The following DAB1 variants were observed in gnomAD, a reference collection of about 807,000 sequenced individuals.
DAB1 encodes the protein DAB adaptor protein 1, also known as disabled homolog 1.
In DAB1, 15 loss-of-function variants were observed where a neutral mutation model predicts 64.6. The observed-to-expected ratio is 0.23, with a 90% CI of 0.16 to 0.36. The LOEUF (loss-of-function observed/expected upper bound fraction) is 0.36. DAB1 is among the 10% of genes least tolerant of loss of function. The pLI, the probability that DAB1 is intolerant of heterozygous loss-of-function variation, is 1.00. For missense variants in DAB1, 596 were observed against 706.7 expected (o/e 0.84, Z 1.78); for synonymous variants, 235 against 251.9 (o/e 0.93, Z 0.64).
intron 1 of DAB1, among the ~76,000 whole-genome samples, chr1:57,843,982 C>T (rs1191918214): frequency 6.6e-6 from 1 of 152,220 alleles, no homozygotes; most frequent in Non-Finnish European, 1.5e-5. Flanking sequence ...AAATCTGTGC[C>T]TGATGTTCCA....
At chr1:57,156,399 C>T (rs1660226007) in intron 2 of DAB1, among the ~76,000 whole-genome samples, 1 of 152,192 alleles carries the variant, frequency 6.6e-6, no homozygotes, top group Admixed American at 6.5e-5. Flanking sequence ...GTCTCCTCTA[C>T]ACTTGAACTC....
chr1:57,321,231 G>A (rs1675690148), intron 1 of DAB1, among the ~76,000 whole-genome samples: 1 of 152,112 alleles, frequency 6.6e-6, no homozygotes, highest in South Asian at 2.1e-4. Context: ...AAAATGTATA[G>A]AAGTATTCAC....
intron 5 of DAB1, among the ~76,000 whole-genome samples, chr1:57,998,316 T>C (rs577347305): frequency 1.3e-5 from 2 of 152,212 alleles, no homozygotes; most frequent in South Asian, 4.2e-4. Context: ...GCTTCCTCAC[T>C]AGATATTTGT....
chr1:57,927,357 C>T (rs1344845621), intron 5 of DAB1, among the ~76,000 whole-genome samples: 1 of 152,000 alleles, frequency 6.6e-6, no homozygotes, highest in Non-Finnish European at 1.5e-5. Context: ...GAACCATAAC[C>T]ACCAGGCTTG....
At chr1:57,682,003 C>A (rs1646641362) in intron 6 of DAB1, among the ~76,000 whole-genome samples, 1 of 152,174 alleles carries the variant, frequency 6.6e-6, no homozygotes, top group Non-Finnish European at 1.5e-5. Flanking sequence ...CTCCTCACAG[C>A]CCTTAATAGG....
intron 7 of DAB1, among the ~76,000 whole-genome samples, chr1:57,439,661 T>C (rs896603280): frequency 7.0e-6 from 1 of 142,488 alleles, no homozygotes. Context: ...TCTTCTGACC[T>C]CATGATCTGC....
At chr1:57,148,180 A>T (rs1258163221) in intron 2 of DAB1, among the ~76,000 whole-genome samples, 2 of 152,226 alleles carry the variant, frequency 1.3e-5, no homozygotes, top group Admixed American at 1.3e-4. Context: ...AGTCAGATAC[A>T]AAGAAGCCTT....
intron 7 of DAB1, among the ~76,000 whole-genome samples, chr1:57,632,915 T>A (rs940276915): frequency 6.6e-6 from 1 of 152,222 alleles, no homozygotes; most frequent in Non-Finnish European, 1.5e-5. Context: ...GCAAATAGAA[T>A]GTACTAGATT....
At chr1:57,605,899 G>C in intron 7 of DAB1, 3 of 671,622 alleles carry the variant, frequency 4.5e-6, no homozygotes, top group South Asian at 4.1e-5. Context: ...AGTACTGATG[G>C]AAGTAATCTG....
intron 4 of DAB1, among the ~76,000 whole-genome samples, chr1:58,275,675 A>C (rs1403009005): frequency 1.3e-5 from 2 of 152,190 alleles, no homozygotes; most frequent in African/African-American, 4.8e-5. Context: ...CAAATTTAAA[A>C]AGAAAGAAAA....
At chr1:57,169,207 T>A (rs1661492924) in intron 2 of DAB1, among the ~76,000 whole-genome samples, 1 of 152,232 alleles carries the variant, frequency 6.6e-6, no homozygotes, top group African/African-American at 2.4e-5. Flanking sequence ...GACTGAGTTG[T>A]CTGACAACCT....
At chr1:58,038,672 G>GA (rs1183077165) in intron 5 of DAB1, among the ~76,000 whole-genome samples, 1 of 152,076 alleles carries the variant, frequency 6.6e-6, no homozygotes, top group Non-Finnish European at 1.5e-5. Context: ...AACTGCAGGT[G>GA]AAACAGAGCC....
At chr1:57,355,717 A>G (rs1679038741) in intron 1 of DAB1, among the ~76,000 whole-genome samples, 1 of 152,054 alleles carries the variant, frequency 6.6e-6, no homozygotes, top group South Asian at 2.1e-4. Flanking sequence ...CGTGGACCTG[A>G]AGTATACTTT....
At chr1:58,179,625 G>T (rs1656669372) in intron 4 of DAB1, among the ~76,000 whole-genome samples, 2 of 152,010 alleles carry the variant, frequency 1.3e-5, no homozygotes, top group East Asian at 3.9e-4. Flanking sequence ...GCATAAAGTT[G>T]TTCATAGAAT....
In DAB1 at chr1:58,163,981, T is replaced by C. The variant is rs191489983; in HGVS notation, n.310-13393A>G. ...ACACATAGTTCCAAGAAAGTCTTAC[T>C]AGCTTGAAGTATTTGAACACAACCT... On this transcript the variant is annotated intron_variant and non_coding_transcript_variant, in intron 4 of 20. Transcript: ENST00000485760. Among the ~76,000 whole-genome samples the C allele has an allele frequency of 2.1e-3, 325 of 152,316 alleles. 4 individuals carry two copies. Among genetic ancestry groups the C allele is most frequent in the African/African-American group, 7.4e-3 (308 of 41,562 alleles).
chr1:57,676,989 G>A (rs1230580234), intron 6 of DAB1, among the ~76,000 whole-genome samples: 2 of 152,182 alleles, frequency 1.3e-5, no homozygotes, highest in South Asian at 2.1e-4. Flanking sequence ...CATTGTGACT[G>A]TATATGGAGA....
chr1:57,681,010 A>C (rs1455350415), intron 6 of DAB1, among the ~76,000 whole-genome samples: 1 of 152,234 alleles, frequency 6.6e-6, no homozygotes, highest in Non-Finnish European at 1.5e-5. Flanking sequence ...GGGCTAAGAT[A>C]AGAAAGTTCC....
At chr1:57,102,432 T>G (rs1440018543) in intron 4 of DAB1, among the ~76,000 whole-genome samples, 1 of 152,224 alleles carries the variant, frequency 6.6e-6, no homozygotes. Flanking sequence ...CTACATTATA[T>G]TAATGCACTA....
intron 2 of DAB1, among the ~76,000 whole-genome samples, chr1:57,222,723 C>T (rs764469744): frequency 5.3e-5 from 8 of 152,158 alleles, no homozygotes; most frequent in South Asian, 4.1e-4. Context: ...CATACATACA[C>T]GAGACCCATT....
Sources: gnomAD v4.1 joint callset for allele counts (sites outside exome capture counted in the v4.1 genomes callset) on GRCh38, gnomAD v4.1.1 for gene constraint, MANE v1.5 for transcripts, NCBI Gene and HGNC (gene_info 2026-07-23, HGNC 2026-07-21) for gene names.